DYTN: variants seen among roughly 807,000 people sequenced by gnomAD.
DYTN encodes dystrotelin.
DYTN carries 75 observed loss-of-function variants against 69.6 expected under a neutral mutation model. The observed-to-expected ratio is 1.08, with a 90% CI of 0.89 to 1.31. The LOEUF (loss-of-function observed/expected upper bound fraction) is 1.31. Among genes scored for constraint, DYTN ranks in the 50% most tolerant of loss-of-function variants. The pLI is 0.00. For synonymous variants in DYTN, 252 were observed against 249.1 expected, an observed-to-expected ratio of 1.01 and a Z score of -0.11; for missense variants, 726 against 688.4, an observed-to-expected ratio of 1.05 and a Z score of -0.61.
intron 9 of DYTN, among the ~76,000 whole-genome samples, chr2:206,669,871 T>C (rs1199829433): frequency 1.3e-5 from 2 of 152,222 alleles, no homozygotes; most frequent in Non-Finnish European, 2.9e-5. Flanking sequence ...TCTGTACATT[T>C]AGATTAGGAA....
chr2:206,654,839 G>T (rs1699428248), intron 11 of DYTN, among the ~76,000 whole-genome samples: 1 of 152,024 alleles, frequency 6.6e-6, no homozygotes, highest in Non-Finnish European at 1.5e-5. Context: ...TTCTAGATGG[G>T]GAAAAAAGGA....
At chr2:206,715,129 A>G (rs1268024500) in intron 1 of DYTN, among the ~76,000 whole-genome samples, 9 of 152,300 alleles carry the variant, frequency 5.9e-5, no homozygotes, top group Non-Finnish European at 1.0e-4. Context: ...ATGGGAGGTC[A>G]GGAATGAGGT....
intron 11 of DYTN, among the ~76,000 whole-genome samples, chr2:206,658,984 CTTTT>C (rs35131832): frequency 5.7e-5 from 8 of 140,088 alleles, no homozygotes; most frequent in Non-Finnish European, 1.1e-4. Flanking sequence ...AACAAGAGGA[CTTTT>C]TTTTTTTTTT....
intron 9 of DYTN, among the ~76,000 whole-genome samples, chr2:206,680,282 T>G (rs1409907423): frequency 6.6e-6 from 1 of 152,102 alleles, no homozygotes; most frequent in East Asian, 1.9e-4. Context: ...CTCACTATTA[T>G]GAGAAGAGCA....
intron 3 of DYTN, 90 bp from the exon 4 acceptor site, chr2:206,705,963 C>T (rs948185902): frequency 9.9e-6 from 14 of 1,413,930 alleles, no homozygotes; most frequent in Middle Eastern, 1.8e-4. Context: ...TATTAATGGG[C>T]ATTTCTGATA....
chr2:206,663,061 G>A lies in DYTN; in HGVS notation c.1475C>T (p.Pro492Leu). 2.5e-6 allele frequency: 4 copies of A among 1,613,826 alleles called. No homozygotes were observed. The highest frequency in any genetic ancestry group is 3.4e-6 in the Non-Finnish European group (4 of 1,179,868). The change falls in exon 11 of 12, where the codon CCC becomes CTC. Residue 492 changes from proline to leucine, a missense_variant. Transcript: ENST00000452335. ...SYQEGLKQDI[P>L]KMVPAEMSSP... Reference sequence around the variant, plus strand: ...GCTCATTTCAGCAGGAACCATTTTGGGGATGTCCTGCTTCAGTCCCTCCTG... The same window carrying A: ...GCTCATTTCAGCAGGAACCATTTTGAGGATGTCCTGCTTCAGTCCCTCCTG...
At chr2:206,673,535 C>T (rs1222785880) in intron 9 of DYTN, among the ~76,000 whole-genome samples, 2 of 152,164 alleles carry the variant, frequency 1.3e-5, no homozygotes, top group Non-Finnish European at 2.9e-5. Context: ...GGGTTACAGG[C>T]ATGAGCCACC....
intron 2 of DYTN, among the ~76,000 whole-genome samples, chr2:206,707,811 G>A (rs1404809479): frequency 3.9e-5 from 6 of 152,076 alleles, no homozygotes; most frequent in Non-Finnish European, 7.4e-5. Flanking sequence ...AGTGAGAAAC[G>A]AAAAATACGC....
intron 9 of DYTN, among the ~76,000 whole-genome samples, chr2:206,674,196 A>T (rs180682265): frequency 6.8e-6 from 1 of 147,648 alleles, no homozygotes; most frequent in East Asian, 1.9e-4. Flanking sequence ...ATATTTAGAA[A>T]CAAAAATGAT....
Position 206,672,128 on chromosome 2 carries a change from G to A in DYTN, c.981-6099C>T, listed in dbSNP as rs140723793. Reference sequence around the variant, plus strand: ...AACAGATTACCTCTGGGGAATTAGGGACTGGACCTGGGTTGAGAATTATGG... The same window carrying A: ...AACAGATTACCTCTGGGGAATTAGGAACTGGACCTGGGTTGAGAATTATGG... On this transcript the variant is annotated intron_variant, in intron 9 of 11. Coordinates refer to ENST00000452335, the MANE Select transcript of DYTN (RefSeq NM_001093730.1). Among the ~76,000 whole-genome samples the A allele has an allele frequency of 5.3e-3, 806 of 152,328 alleles. 6 individuals are homozygous for A. The highest frequency in any genetic ancestry group is 9.9e-3 in the Non-Finnish European group (675 of 68,038).
At chr2:206,700,272 GGGAGCAGCAGGGCTGAGAGCT>G in intron 5 of DYTN, 56 bp from the exon 6 acceptor site, 1 of 1,596,742 alleles carries the variant, frequency 6.3e-7, no homozygotes, top group Non-Finnish European at 8.6e-7. Context: ...TGTCGTCTCC[GGGAGCAGCAGGGCTGAGAGCT>G]GGTGCCCACG....
chr2:206,706,740 G>A (rs898240262), intron 3 of DYTN, among the ~76,000 whole-genome samples: 1 of 152,078 alleles, frequency 6.6e-6, no homozygotes, highest in East Asian at 1.9e-4. Flanking sequence ...CGAGGAGGGG[G>A]CAGAGGAATT....
chr2:206,691,250 T>C (rs1699858813), intron 9 of DYTN, among the ~76,000 whole-genome samples: 1 of 152,048 alleles, frequency 6.6e-6, no homozygotes, highest in South Asian at 2.1e-4. Flanking sequence ...CCGTCTCTAC[T>C]AAAAATACAA....
intron 1 of DYTN, among the ~76,000 whole-genome samples, chr2:206,712,222 G>T (rs1039490567): frequency 6.6e-6 from 1 of 152,320 alleles, no homozygotes; most frequent in South Asian, 2.1e-4. Context: ...ATCTAGGGGT[G>T]AGAATCTAAG....
rs774273085 is a variant in DYTN, at chr2:206,699,803, G to T, written c.643C>A (p.Arg215=). The change falls in exon 7 of 12, where the codon CGG becomes AGG. Residue 215 remains arginine (R), a synonymous_variant. Transcript: ENST00000452335. ...GTGACCCTTTCAGCAGCTGATAACC[G>T]GTGGCAGGTCGGGAGCCACAGGAGG... ...PILLWLPTCH[R]LSAAERVTHP... is the part of the protein sequence containing the mutation. 2 of 1,613,864 alleles carry T rather than the reference G, an allele frequency of 1.2e-6. No homozygotes were observed. The highest frequency in any genetic ancestry group is 1.7e-6 in the Non-Finnish European group (2 of 1,179,828).
chr2:206,651,999 A>T (rs1344441142), intron 11 of DYTN, 78 bp from the exon 12 acceptor site: 2 of 1,316,018 alleles, frequency 1.5e-6, no homozygotes, highest in Non-Finnish European at 2.1e-6. Context: ...AAGCTCTCAC[A>T]TGGAGAAGAA....
At chr2:206,669,385 CA>C (rs1699607043) in intron 9 of DYTN, among the ~76,000 whole-genome samples, 1 of 152,140 alleles carries the variant, frequency 6.6e-6, no homozygotes, top group Admixed American at 6.6e-5. Flanking sequence ...GGTATCATGT[CA>C]CACACACATT....
At chr2:206,682,796 C>G (rs1042006837) in intron 9 of DYTN, among the ~76,000 whole-genome samples, 4 of 152,110 alleles carry the variant, frequency 2.6e-5, no homozygotes, top group Non-Finnish European at 5.9e-5. Context: ...ATTTCCTCCA[C>G]AAACCTTCTC....
intron 5 of DYTN, 85 bp downstream of exon 5, chr2:206,704,758 G>A (rs915744075): frequency 1.7e-6 from 2 of 1,159,772 alleles, no homozygotes; most frequent in Non-Finnish European, 2.5e-6. Flanking sequence ...AGATAGACTT[G>A]ACACTGGAGA....
Sources: gnomAD v4.1 joint callset for allele counts (sites outside exome capture counted in the v4.1 genomes callset) on GRCh38, gnomAD v4.1.1 for gene constraint, MANE v1.5 for transcripts, NCBI Gene and HGNC (gene_info 2026-07-23, HGNC 2026-07-21) for gene names.